Variants in PTPRG observed in about 807,000 individuals in gnomAD.
The protein encoded by PTPRG is receptor-type tyrosine-protein phosphatase gamma.
Under a neutral mutation model 165.3 loss-of-function variants are expected in PTPRG, and 102 were observed. That is an observed-to-expected ratio of 0.62 (90% CI 0.53 to 0.73). The LOEUF (loss-of-function observed/expected upper bound fraction) is 0.73. Ranked by LOEUF, PTPRG falls within the 30% of genes least tolerant of loss-of-function variation. PTPRG has a pLI of 0.00. For missense variants in PTPRG, 1,866 were observed against 1,861.4 expected, an observed-to-expected ratio of 1.00 and a Z score of -0.05; for synonymous variants, 675 against 669.5, an observed-to-expected ratio of 1.01 and a Z score of -0.13.
intron 2 of PTPRG, among the ~76,000 whole-genome samples, chr3:61,959,130 C>T (rs2040095877): frequency 6.6e-6 from 1 of 152,196 alleles, no homozygotes. Context: ...AGGAATGCTG[C>T]TCCCTCCGGT....
chr3:61,607,856 G>C (rs1167505412), intron 1 of PTPRG, among the ~76,000 whole-genome samples: 1 of 152,154 alleles, frequency 6.6e-6, no homozygotes, highest in Admixed American at 6.5e-5. Flanking sequence ...GGACTGTGGA[G>C]AACTGGACGC....
chr3:61,826,366 G>C (rs1055152138), intron 2 of PTPRG, among the ~76,000 whole-genome samples: 3 of 152,174 alleles, frequency 2.0e-5, no homozygotes, highest in African/African-American at 4.8e-5. Flanking sequence ...GAACTGACAA[G>C]ATAATGACAT....
At chr3:62,044,563 T>C (rs972507944) in intron 4 of PTPRG, among the ~76,000 whole-genome samples, 3 of 151,796 alleles carry the variant, frequency 2.0e-5, no homozygotes, top group Non-Finnish European at 4.4e-5. Flanking sequence ...AAAAAATGGC[T>C]AAGGAATGCT....
At chr3:61,952,375 T>A (rs2107626360) in intron 2 of PTPRG, among the ~76,000 whole-genome samples, 1 of 152,268 alleles carries the variant, frequency 6.6e-6, no homozygotes, top group East Asian at 1.9e-4. Context: ...ACCAAAGCTT[T>A]GAATGATAAA....
chr3:61,791,576 C>T (rs1487244613), intron 2 of PTPRG, among the ~76,000 whole-genome samples: 7 of 152,190 alleles, frequency 4.6e-5, no homozygotes, highest in Admixed American at 2.6e-4. Context: ...CAACCTCTGC[C>T]TCCCAGGTTC....
intron 2 of PTPRG, among the ~76,000 whole-genome samples, chr3:61,956,038 C>A: frequency 6.6e-6 from 1 of 151,432 alleles, no homozygotes. Context: ...CAAATATTAA[C>A]CCCTTAGTTT....
chr3:62,244,464 T>A (rs1433632225), intron 15 of PTPRG, among the ~76,000 whole-genome samples: 1 of 152,202 alleles, frequency 6.6e-6, no homozygotes, highest in Non-Finnish European at 1.5e-5. Flanking sequence ...GATGTGGGAT[T>A]TGAAGATCTC....
intron 4 of PTPRG, among the ~76,000 whole-genome samples, chr3:62,009,588 GAA>G (rs1307359483): frequency 1.3e-5 from 2 of 152,074 alleles, no homozygotes; most frequent in Non-Finnish European, 2.9e-5. Context: ...TTCTTCCCTG[GAA>G]TACGTCTGTC....
chr3:62,292,627 A>AGTTCTCAATTGGGGGTGATTT, intron 29 of PTPRG, 71 bp downstream of exon 29: 1 of 1,544,424 alleles, frequency 6.5e-7, no homozygotes, highest in Non-Finnish European at 8.8e-7. Context: ...TTAGAGCAGT[A>AGTTCTCAATTGGGGGTGATTT]GTTCTCAATT....
At chr3:62,041,746 C>G (rs952272780) in intron 4 of PTPRG, among the ~76,000 whole-genome samples, 1 of 151,740 alleles carries the variant, frequency 6.6e-6, no homozygotes, top group Non-Finnish European at 1.5e-5. Context: ...TGGTAATGAT[C>G]ATTGTGATGG....
intron 5 of PTPRG, among the ~76,000 whole-genome samples, chr3:62,100,977 A>T (rs1468532499): frequency 6.6e-6 from 1 of 152,222 alleles, no homozygotes. Context: ...TTGCAATGAT[A>T]AAGTGGCATC....
At chr3:62,044,221 T>G (rs966345331) in intron 4 of PTPRG, among the ~76,000 whole-genome samples, 1 of 152,206 alleles carries the variant, frequency 6.6e-6, no homozygotes, top group Non-Finnish European at 1.5e-5. Context: ...ACTTAACCTC[T>G]CTCTGCTCAG....
chr3:62,160,199 G>A (rs1704696113), intron 7 of PTPRG, among the ~76,000 whole-genome samples: 1 of 152,184 alleles, frequency 6.6e-6, no homozygotes, highest in South Asian at 2.1e-4. Flanking sequence ...AAATATAACG[G>A]TTAGCACAAA....
chr3:62,258,500 T>G (rs1161089308), intron 16 of PTPRG, among the ~76,000 whole-genome samples: 1 of 152,182 alleles, frequency 6.6e-6, no homozygotes, highest in Non-Finnish European at 1.5e-5. Context: ...ATCTATGTAT[T>G]TTCATTGGAG....
At chr3:61,871,437 C>T (rs1238176095) in intron 2 of PTPRG, among the ~76,000 whole-genome samples, 5 of 151,976 alleles carry the variant, frequency 3.3e-5, no homozygotes, top group Non-Finnish European at 7.4e-5. Flanking sequence ...TTACTGGTCT[C>T]AAGCAATCCT....
chr3:61,587,769 A>C (rs1041656054), intron 1 of PTPRG, among the ~76,000 whole-genome samples: 1 of 151,788 alleles, frequency 6.6e-6, no homozygotes, highest in Non-Finnish European at 1.5e-5. Flanking sequence ...CAATCCTCCC[A>C]CCTCAGCCTC....
chr3:62,107,607 T>C (rs975694686), intron 5 of PTPRG, among the ~76,000 whole-genome samples: 8 of 152,226 alleles, frequency 5.3e-5, no homozygotes, highest in Admixed American at 2.0e-4. Flanking sequence ...CGTACTATAG[T>C]GAAAGTTTCT....
At chr3:62,017,639 T>A (rs1482927880) in intron 4 of PTPRG, among the ~76,000 whole-genome samples, 1 of 150,606 alleles carries the variant, frequency 6.6e-6, no homozygotes, top group Non-Finnish European at 1.5e-5. Context: ...TTAGCCAGGA[T>A]GGTCTCGATC....
rs1703032420 is a variant in PTPRG, at chr3:62,295,544, A to G, written c.*2237A>G. The G allele has an allele frequency of 1.3e-5, 2 of 152,044 alleles. No homozygotes were observed. The highest frequency in any genetic ancestry group is 2.9e-5 in the Non-Finnish European group (2 of 68,000). 9.4% of individuals were successfully genotyped at this position (152,044 alleles called of 1,614,324 possible). Reference sequence around the variant, plus strand: ...GAGGGCTCAATTCGTAGAAAGGCATACCCTCCAATGCAATTCTGTGGCTGT... The same window carrying G: ...GAGGGCTCAATTCGTAGAAAGGCATGCCCTCCAATGCAATTCTGTGGCTGT... On this transcript the variant is annotated 3_prime_UTR_variant, in exon 30 of 30. Coordinates refer to ENST00000474889, the MANE Select transcript of PTPRG (RefSeq NM_002841.4).
Sources: gnomAD v4.1 joint callset for allele counts (sites outside exome capture counted in the v4.1 genomes callset) on GRCh38, gnomAD v4.1.1 for gene constraint, MANE v1.5 for transcripts, NCBI Gene and HGNC (gene_info 2026-07-23, HGNC 2026-07-21) for gene names.